The following TMEM108 variants were observed in gnomAD, a reference collection of about 807,000 sequenced individuals.
TMEM108 encodes cancer/testis antigen 124.
Under a neutral mutation model 35.1 loss-of-function variants are expected in TMEM108, and 12 were observed. The ratio of observed to expected loss-of-function variants is 0.34; its 90% CI spans 0.22 to 0.55. TMEM108 has a LOEUF of 0.55. Among genes scored for constraint, TMEM108 ranks in the 20% least tolerant of loss-of-function variants. The pLI, the probability that TMEM108 is intolerant of heterozygous loss-of-function variation, is 0.89. For missense variants in TMEM108, 680 were observed against 753.3 expected, an observed-to-expected ratio of 0.90 and a Z score of 1.14; for synonymous variants, 287 against 308.6, an observed-to-expected ratio of 0.93 and a Z score of 0.73.
intron 2 of TMEM108, among the ~76,000 whole-genome samples, chr3:133,072,680 A>T (rs1287603788): frequency 6.6e-6 from 1 of 152,134 alleles, no homozygotes; most frequent in Non-Finnish European, 1.5e-5. Context: ...CGTATTATAA[A>T]ATGCACCTTT....
intron 1 of TMEM108, among the ~76,000 whole-genome samples, chr3:133,040,533 A>G (rs981661034): frequency 7.9e-5 from 12 of 151,968 alleles, no homozygotes; most frequent in Non-Finnish European, 1.6e-4. Context: ...GGCATGGAGT[A>G]GAGGGGAGAA....
intron 2 of TMEM108, among the ~76,000 whole-genome samples, chr3:133,121,881 G>A (rs1036749760): frequency 2.6e-5 from 4 of 152,038 alleles, no homozygotes; most frequent in Non-Finnish European, 5.9e-5. Context: ...TTTTTTTAAC[G>A]GAGTGTTCCT....
intron 2 of TMEM108, among the ~76,000 whole-genome samples, chr3:133,100,359 G>T (rs1403384529): frequency 2.0e-5 from 3 of 152,184 alleles, no homozygotes; most frequent in Non-Finnish European, 4.4e-5. Context: ...CAGCATTTTG[G>T]GAGGCTGAGG....
chr3:133,260,789 A>AG lies in TMEM108; in HGVS notation c.40+31438_40+31439insG, dbSNP rs373206760. On this transcript the variant is annotated intron_variant, in intron 3 of 5. Transcript: ENST00000321871. ...GTGTTTCCAGTTAGGAGTTGATTAC[A>AG]TAGTCAGGCAAGAAGAGATGGTGAC... 2.4e-3 allele frequency among the ~76,000 whole-genome samples: 360 copies of AG among 152,158 alleles called. 2 individuals are homozygous for AG. Among genetic ancestry groups the AG allele is most frequent in the African/African-American group, 8.0e-3 (330 of 41,508 alleles).
intron 2 of TMEM108, among the ~76,000 whole-genome samples, chr3:133,079,109 C>G (rs1297711600): frequency 6.6e-6 from 1 of 152,156 alleles, no homozygotes; most frequent in Non-Finnish European, 1.5e-5. Context: ...CTGTGACTTA[C>G]GAAGGGGAAG....
At chr3:133,217,146 T>G (rs547620770) in intron 2 of TMEM108, among the ~76,000 whole-genome samples, 101 of 152,228 alleles carry the variant, frequency 6.6e-4, no homozygotes, top group African/African-American at 2.4e-3. Context: ...GATGTCTCAT[T>G]GTGGTTTTGA....
intron 3 of TMEM108, among the ~76,000 whole-genome samples, chr3:133,342,270 G>T (rs1281490195): frequency 6.6e-6 from 1 of 151,076 alleles, no homozygotes; most frequent in African/African-American, 2.4e-5. Context: ...TGTCAAACAG[G>T]TATATGAATA....
intron 3 of TMEM108, among the ~76,000 whole-genome samples, chr3:133,283,310 T>C (rs1379254660): frequency 6.6e-6 from 1 of 152,180 alleles, no homozygotes; most frequent in Non-Finnish European, 1.5e-5. Flanking sequence ...TCTGATTATC[T>C]ACCAGTGTGA....
chr3:133,252,066 G>A (rs991107926), intron 3 of TMEM108, among the ~76,000 whole-genome samples: 19 of 152,066 alleles, frequency 1.2e-4, no homozygotes, highest in South Asian at 6.2e-4. Flanking sequence ...TGTCACCATC[G>A]ATGTATCTGT....
chr3:133,073,510 C>CTCTCTCTCTCTCTCTCTCTCTCTCTA, intron 2 of TMEM108, among the ~76,000 whole-genome samples: 1 of 43,904 alleles, frequency 2.3e-5, no homozygotes, highest in East Asian at 4.6e-4. Flanking sequence ...CTCTCTCTCT[C>CTCTCTCTCTCTCTCTCTCTCTCTCTA]TATATATATA....
Position 133,381,109 on chromosome 3 carries a change from G to T in TMEM108, c.1398G>T (p.Lys466Asn). Residue 466 changes from lysine (K) to asparagine (N), a missense_variant, in exon 4 of 6, where the codon AAG becomes AAT. Physicochemically the swap from Lys to Asn is moderately conservative, Grantham distance 94. Around this residue, in one of 3 missense-constraint regions of TMEM108, gnomAD observed 105 missense variants for 150.7 expected, o/e 0.70. Coordinates refer to ENST00000321871, the MANE Select transcript of TMEM108 (RefSeq NM_023943.4). ...PQHRATICLS[K>N]MDIAWVILAI... ...ACAGAGCCACCATCTGCCTGAGCAA[G>T]ATGGATATCGCCTGGGTGATCCTGG... 6.2e-7 allele frequency: 1 copy of T among 1,613,470 alleles called. No individual in the cohort carries two copies. The highest frequency in any genetic ancestry group is 1.1e-5 in the South Asian group (1 of 91,026).
At chr3:133,062,641 A>T (rs1462359208) in intron 2 of TMEM108, among the ~76,000 whole-genome samples, 1 of 152,200 alleles carries the variant, frequency 6.6e-6, no homozygotes, top group Non-Finnish European at 1.5e-5. Flanking sequence ...TTTAGTCTAA[A>T]ATCTGGTGAT....
At chr3:133,379,037 C>T (rs969823276) in intron 3 of TMEM108, among the ~76,000 whole-genome samples, 1 of 152,116 alleles carries the variant, frequency 6.6e-6, no homozygotes, top group Admixed American at 6.5e-5. Flanking sequence ...TCCTCTTCTG[C>T]CTGTCACTCT....
intron 2 of TMEM108, among the ~76,000 whole-genome samples, chr3:133,179,601 A>G (rs1209472790): frequency 1.3e-5 from 2 of 152,096 alleles, no homozygotes; most frequent in African/African-American, 2.4e-5. Context: ...GTGGGAATTG[A>G]ACAATGAGAA....
Position 133,130,932 on chromosome 3 carries a change from C to G in TMEM108, c.-47+84912C>G, listed in dbSNP as rs147270970. On this transcript the variant is annotated intron_variant, in intron 2 of 5. Transcript: ENST00000321871. The stretch of plus-strand genomic sequence containing the variant: ...AAATTATCTGAAAATTTATGACACT[C>G]TATCTACTGTTAAAAAGAAATTACT... 2.1e-4 allele frequency among the ~76,000 whole-genome samples: 32 copies of G among 152,316 alleles called. 1 individual carries two copies. Among genetic ancestry groups the G allele is most frequent in the African/African-American group, 2.4e-5 (1 of 41,574 alleles).
At chr3:133,318,929 A>AAAAAAAC (rs1002565218) in intron 3 of TMEM108, among the ~76,000 whole-genome samples, 1 of 151,706 alleles carries the variant, frequency 6.6e-6, no homozygotes, top group African/African-American at 2.4e-5. Context: ...GCAAAAAAAA[A>AAAAAAAC]AACTCAGGGG....
At chr3:133,395,814 C>G (rs980500882) in intron 5 of TMEM108, 50 bp from the exon 6 acceptor site, 14 of 1,474,982 alleles carry the variant, frequency 9.5e-6, no homozygotes, top group Non-Finnish European at 1.3e-5. Context: ...AGAATGGCCA[C>G]CTCTTAAGCC....
chr3:133,368,563 G>A (rs1448396062), intron 3 of TMEM108, among the ~76,000 whole-genome samples: 2 of 152,188 alleles, frequency 1.3e-5, no homozygotes, highest in Non-Finnish European at 2.9e-5. Context: ...CCTGTGGGAT[G>A]TGTGTGCATT....
intron 2 of TMEM108, among the ~76,000 whole-genome samples, chr3:133,142,928 C>A (rs993114827): frequency 1.3e-5 from 2 of 152,152 alleles, no homozygotes; most frequent in African/African-American, 4.8e-5. Flanking sequence ...GAGGTTATAT[C>A]TTGAATATGC....
Sources: gnomAD v4.1 joint callset for allele counts (sites outside exome capture counted in the v4.1 genomes callset) on GRCh38, gnomAD v4.1.1 for gene constraint, gnomAD v4.1.1 regional missense constraint, MANE v1.5 for transcripts, NCBI Gene and HGNC (gene_info 2026-07-23, HGNC 2026-07-21) for gene names.